The following GRM3 variants were observed in gnomAD, a reference collection of about 807,000 sequenced individuals.
GRM3 encodes the protein glutamate metabotropic receptor 3, also known as metabotropic glutamate receptor 3.
A neutral mutation model predicts 70.5 loss-of-function variants in GRM3; 26 were observed. The observed-to-expected ratio is 0.37, with a 90% CI of 0.27 to 0.51. The LOEUF is 0.51. Among genes scored for constraint, GRM3 ranks in the 20% least tolerant of loss-of-function variants. The pLI is 0.93. For missense variants in GRM3, 859 were observed against 1,123.8 expected, an observed-to-expected ratio of 0.76 and a Z score of 3.37; for synonymous variants, 443 against 434.9, an observed-to-expected ratio of 1.02 and a Z score of -0.23.
chr7:86,702,614 T>C (rs1269209358), intron 1 of GRM3, among the ~76,000 whole-genome samples: 1 of 152,020 alleles, frequency 6.6e-6, no homozygotes, highest in Non-Finnish European at 1.5e-5. Context: ...ATCATTCTCT[T>C]TTTGTCCTTA....
chr7:86,676,101 G>A (rs1267493845), intron 1 of GRM3, among the ~76,000 whole-genome samples: 1 of 151,776 alleles, frequency 6.6e-6, no homozygotes, highest in Non-Finnish European at 1.5e-5. Flanking sequence ...TAAAGCCTTA[G>A]GCTTTTTTTT....
intron 3 of GRM3, among the ~76,000 whole-genome samples, chr7:86,790,616 G>A (rs1797385762): frequency 6.6e-6 from 1 of 151,956 alleles, no homozygotes; most frequent in South Asian, 2.1e-4. Flanking sequence ...CACCCTCCCT[G>A]CTCTGCCCCT....
chr7:86,739,137 T>C (rs1795928924), intron 1 of GRM3, among the ~76,000 whole-genome samples: 3 of 152,078 alleles, frequency 2.0e-5, no homozygotes, highest in African/African-American at 7.2e-5. Context: ...CCATTATGCC[T>C]GGCTAAGTTT....
chr7:86,791,516 C>T (rs1338643573), intron 3 of GRM3, among the ~76,000 whole-genome samples: 1 of 152,068 alleles, frequency 6.6e-6, no homozygotes, highest in Non-Finnish European at 1.5e-5. Context: ...AGTGATTCGC[C>T]CAAGATCAGT....
At chr7:86,715,155 C>A (rs928484575) in intron 1 of GRM3, among the ~76,000 whole-genome samples, 3 of 151,950 alleles carry the variant, frequency 2.0e-5, no homozygotes, top group African/African-American at 7.2e-5. Context: ...CAGTCACCCA[C>A]ATTAGGAAAT....
chr7:86,848,725 T>C (rs778907099), intron 4 of GRM3, among the ~76,000 whole-genome samples: 4 of 152,112 alleles, frequency 2.6e-5, no homozygotes, highest in Non-Finnish European at 5.9e-5. Flanking sequence ...ACATAACCTT[T>C]GCTTTGATAA....
intron 4 of GRM3, among the ~76,000 whole-genome samples, chr7:86,843,689 G>A (rs1187294673): frequency 2.6e-5 from 4 of 152,088 alleles, no homozygotes; most frequent in Admixed American, 6.6e-5. Flanking sequence ...AAATATTTGA[G>A]GACTTATTAT....
intron 3 of GRM3, among the ~76,000 whole-genome samples, chr7:86,804,988 C>T (rs534670635): frequency 3.9e-5 from 6 of 152,184 alleles, no homozygotes; most frequent in Admixed American, 6.5e-5. Context: ...GTGGAGCATG[C>T]CTGTAGTCCC....
chr7:86,759,192 C>T (rs994649792), intron 1 of GRM3, among the ~76,000 whole-genome samples: 7 of 152,134 alleles, frequency 4.6e-5, no homozygotes, highest in East Asian at 3.9e-4. Flanking sequence ...TTTTCCATTC[C>T]TCCTAACCCC....
chr7:86,838,755 G>T, intron 3 of GRM3, 84 bp from the exon 4 acceptor site: 1 of 698,132 alleles, frequency 1.4e-6, no homozygotes, highest in South Asian at 1.9e-5. Flanking sequence ...TGTTATTTCA[G>T]TGTATGGCAT....
chr7:86,863,379 G>A (rs1798995121), intron 5 of GRM3, among the ~76,000 whole-genome samples: 1 of 152,084 alleles, frequency 6.6e-6, no homozygotes. Flanking sequence ...ACTGGTGTGA[G>A]GAATTAGCAC....
intron 1 of GRM3, among the ~76,000 whole-genome samples, chr7:86,762,386 A>G (rs1232220641): frequency 3.3e-5 from 5 of 152,120 alleles, no homozygotes; most frequent in African/African-American, 2.4e-5. Flanking sequence ...GCTCAGGAAA[A>G]CAGCCCATCA....
intron 1 of GRM3, among the ~76,000 whole-genome samples, chr7:86,665,399 C>T (rs1447443652): frequency 6.6e-6 from 1 of 152,016 alleles, no homozygotes; most frequent in Non-Finnish European, 1.5e-5. Flanking sequence ...TAGGCTCTGG[C>T]ACTTGATAGG....
chr7:86,807,921 C>G (rs1797829462), intron 3 of GRM3, among the ~76,000 whole-genome samples: 1 of 152,102 alleles, frequency 6.6e-6, no homozygotes, highest in African/African-American at 2.4e-5. Flanking sequence ...TAAGTCCCAT[C>G]AATACCTAGT....
chr7:86,694,614 G>A (rs1405213103), intron 1 of GRM3, among the ~76,000 whole-genome samples: 1 of 151,406 alleles, frequency 6.6e-6, no homozygotes, highest in African/African-American at 2.4e-5. Context: ...TTACAAGTTT[G>A]AGGGAAAAAA....
chr7:86,857,668 T>G (rs1798875590), intron 5 of GRM3, among the ~76,000 whole-genome samples: 1 of 152,190 alleles, frequency 6.6e-6, no homozygotes, highest in Non-Finnish European at 1.5e-5. Flanking sequence ...GGTTTTAGAC[T>G]TTTGTCCCTA....
intron 3 of GRM3, among the ~76,000 whole-genome samples, chr7:86,831,320 G>A: frequency 6.6e-6 from 1 of 151,846 alleles, no homozygotes; most frequent in Admixed American, 6.6e-5. Flanking sequence ...GCTTTTTTTT[G>A]TATGCATTAA....
intron 2 of GRM3, among the ~76,000 whole-genome samples, chr7:86,772,674 G>C (rs1382002123): frequency 1.3e-5 from 2 of 152,088 alleles, no homozygotes; most frequent in Admixed American, 6.6e-5. Context: ...TTTTATGCCA[G>C]ATGCTGTGCT....
At chr7:86,719,139 T>C (rs1368918628) in intron 1 of GRM3, among the ~76,000 whole-genome samples, 1 of 151,862 alleles carries the variant, frequency 6.6e-6, no homozygotes, top group Non-Finnish European at 1.5e-5. Context: ...AAAAAAAAGA[T>C]GTAGTGAAAA....
Sources: allele counts gnomAD v4.1 joint callset (sites outside exome capture counted in the v4.1 genomes callset), GRCh38; gene constraint gnomAD v4.1.1; transcripts MANE v1.5; gene names NCBI Gene and HGNC (gene_info 2026-07-23, HGNC 2026-07-21).